The following SLC35B4 variants were observed in gnomAD, a reference collection of about 807,000 sequenced individuals.
SLC35B4 encodes the protein nucleotide sugar transporter SLC35B4.
Under a neutral mutation model 39.5 loss-of-function variants are expected in SLC35B4, and 28 were observed. That is an observed-to-expected ratio of 0.71 (90% CI 0.53 to 0.97). The LOEUF (loss-of-function observed/expected upper bound fraction) is 0.97, where lower values mean the gene tolerates loss of function less well. SLC35B4 is among the 50% of genes least tolerant of loss of function. The probability of loss-of-function intolerance (pLI) is 0.00; values close to 1 mark genes in which losing one functional copy is unlikely to be tolerated. For missense variants in SLC35B4, 334 were observed against 414.3 expected, an observed-to-expected ratio of 0.81 and a Z score of 1.68; for synonymous variants, 145 against 150.4, an observed-to-expected ratio of 0.96 and a Z score of 0.26.
Position 134,292,103 on chromosome 7 carries a change from T to C in SLC35B4, c.*2730A>G, listed in dbSNP as rs1803342968. 6.5e-6 allele frequency: 1 copy of C among 154,814 alleles called. No individual in the cohort carries two copies. Among genetic ancestry groups the C allele is most frequent in the South Asian group, 2.0e-4 (1 of 4,928 alleles). The allele number at this position is 154,814 out of a possible 1,614,324, so 9.6% of individuals were successfully genotyped here. ...CTCTGAAGCATAAAATTACATGGTC[T>C]TGACCCAGAGAAAGAGGAGAGACAT... On this transcript the variant is annotated 3_prime_UTR_variant, in exon 10 of 10. Coordinates refer to ENST00000378509, the MANE Select transcript of SLC35B4 (RefSeq NM_032826.5).
intron 3 of SLC35B4, 146 bp from the exon 4 acceptor site, chr7:134,305,000 TATG>T (rs1287549152): frequency 1.5e-6 from 1 of 667,520 alleles, no homozygotes; most frequent in East Asian, 2.7e-5. Flanking sequence ...TAGTTGTTCT[TATG>T]ATGGCAAAAG....
At chr7:134,311,073 A>AT (rs1386897943) in intron 1 of SLC35B4, among the ~76,000 whole-genome samples, 1 of 152,220 alleles carries the variant, frequency 6.6e-6, no homozygotes, top group Non-Finnish European at 1.5e-5. Flanking sequence ...TAGGCTTACT[A>AT]ACTGAAACAG....
chr7:134,306,814 G>A, intron 2 of SLC35B4, 40 bp from the exon 3 acceptor site: 3 of 1,514,782 alleles, frequency 2.0e-6, no homozygotes, highest in Non-Finnish European at 2.7e-6. Context: ...CAGAATCTAG[G>A]ATTTCAAGAA....
intron 9 of SLC35B4, among the ~76,000 whole-genome samples, chr7:134,295,586 G>C (rs1304702503): frequency 6.6e-6 from 1 of 151,956 alleles, no homozygotes; most frequent in African/African-American, 2.4e-5. Context: ...TGATTACTTT[G>C]AAATTTCTTT....
upstream of SLC35B4, chr7:134,317,014 G>C (rs974162360): frequency 4.0e-6 from 2 of 501,226 alleles, no homozygotes; most frequent in Non-Finnish European, 7.1e-6. Flanking sequence ...CCAGGATGCC[G>C]TGCACCTTTA....
intron 9 of SLC35B4, among the ~76,000 whole-genome samples, chr7:134,296,030 T>C (rs1374222693): frequency 6.6e-6 from 1 of 152,072 alleles, no homozygotes; most frequent in Non-Finnish European, 1.5e-5. Context: ...GGTTTCACCA[T>C]GTTGGCCAGG....
At position 134,316,924 on chromosome 7, in the gene SLC35B4, T is replaced by C; in HGVS notation, c.-173A>G. The C allele has an allele frequency of 1.6e-6, 1 of 618,560 alleles. No homozygotes were observed. The highest frequency in any genetic ancestry group is 2.0e-5 in the South Asian group (1 of 50,622). 38.3% of individuals were successfully genotyped at this position (618,560 alleles called of 1,614,324 possible). On this transcript the variant is annotated 5_prime_UTR_variant, in exon 1 of 10. Transcript: ENST00000378509. ...CTTCTCCCGCGGCCAACACCGACGC[T>C]GCCAAGAAGCTGTAGTTCGCAGTCA...
chr7:134,314,399 G>C (rs1803920615), intron 1 of SLC35B4, among the ~76,000 whole-genome samples: 1 of 152,090 alleles, frequency 6.6e-6, no homozygotes, highest in African/African-American at 2.4e-5. Context: ...AGTAAAGAGG[G>C]GATTCAGTTG....
Position 134,290,013 on chromosome 7 carries a change from T to A in SLC35B4, c.*4820A>T, listed in dbSNP as rs1011909819. The A allele has an allele frequency of 6.6e-6, 1 of 152,196 alleles. No individual in the cohort carries two copies. The highest frequency in any genetic ancestry group is 2.4e-5 in the African/African-American group (1 of 41,444). The allele number at this position is 152,196 out of a possible 1,614,324, so 9.4% of individuals were successfully genotyped here. A position where few individuals can be genotyped will look rare whatever the true frequency, so the allele number is the denominator to read the frequency against. On this transcript the variant is annotated 3_prime_UTR_variant, in exon 10 of 10. Coordinates refer to ENST00000378509, the MANE Select transcript of SLC35B4 (RefSeq NM_032826.5). ...ACCAACAGACAGTGATCTCCAGGCATCAGCTTCAGCTGCTACAAGCTAACT... is the reference window on the plus strand; with the variant it reads ...ACCAACAGACAGTGATCTCCAGGCAACAGCTTCAGCTGCTACAAGCTAACT...
At position 134,316,284 on chromosome 7, in the gene SLC35B4, AAGAG is replaced by A. The variant is rs375302878; in HGVS notation, c.77+387_77+390del. Among the ~76,000 whole-genome samples the A allele has an allele frequency of 7.3e-3, 1,113 of 152,306 alleles. 7 individuals carry two copies. Among genetic ancestry groups the A allele is most frequent in the Middle Eastern group, 0.014 (4 of 294 alleles). On this transcript the variant is annotated intron_variant, in intron 1 of 9. Transcript: ENST00000378509. ...AAAGAGCTAGAGTTGGATGGGAAGG[AAGAG>A]AGAGTGGTTTGGTGAAGGAACCTTG... is the stretch of plus-strand genomic sequence containing the variant.
intron 8 of SLC35B4, chr7:134,299,303 G>A (rs1019728965): frequency 1.3e-5 from 6 of 456,412 alleles, no homozygotes; most frequent in African/African-American, 2.0e-5. Context: ...AAGCAAAATG[G>A]AAAACTCGAA....
At chr7:134,320,273 A>T (rs1369563142), upstream of SLC35B4, among the ~76,000 whole-genome samples, 2 of 152,156 alleles carry the variant, frequency 1.3e-5, no homozygotes, top group African/African-American at 2.4e-5. Context: ...GAAAGGGTTG[A>T]TCCCCGAGAT....
chr7:134,319,808 G>A (rs927528321), upstream of SLC35B4, among the ~76,000 whole-genome samples: 2 of 152,070 alleles, frequency 1.3e-5, no homozygotes, highest in Non-Finnish European at 2.9e-5. Context: ...GAAAGTTTTC[G>A]GTCTTCCTCT....
At chr7:134,295,171 A>G in intron 9 of SLC35B4, 92 bp from the exon 10 acceptor site, 1 of 1,499,190 alleles carries the variant, frequency 6.7e-7, no homozygotes, top group Non-Finnish European at 9.0e-7. Context: ...TTAACTTCTC[A>G]TATTCTAAGA....
In SLC35B4 at chr7:134,306,781, T is replaced by C. The variant is rs1038950667; in HGVS notation, c.192-7A>G. ...CACCATTATGGCATAGTACCTGAAATGCAGACAGAACAGCTCATCAAACAG... is the reference window on the plus strand; with the variant it reads ...CACCATTATGGCATAGTACCTGAAACGCAGACAGAACAGCTCATCAAACAG... On this transcript the variant is annotated splice_region_variant and splice_polypyrimidine_tract_variant and intron_variant, in intron 2 of 9. Transcript: ENST00000378509. 2.5e-6 allele frequency: 4 copies of C among 1,604,408 alleles called. No homozygotes were observed. Among genetic ancestry groups the C allele is most frequent in the Admixed American group, 3.4e-5 (2 of 59,682 alleles).
intron 9 of SLC35B4, among the ~76,000 whole-genome samples, 166 bp downstream of exon 9, chr7:134,296,225 C>T (rs75846227): frequency 0.032 from 4,818 of 152,272 alleles, 191 homozygotes; most frequent in African/African-American, 0.096. Flanking sequence ...CTCTTCTGCC[C>T]TCTACAAGGA....
In SLC35B4 at chr7:134,316,555, C is replaced by A; in HGVS notation, c.77+120G>T. The A allele has an allele frequency of 5.7e-6, 6 of 1,050,376 alleles. No individual in the cohort carries two copies. The South Asian group carries it at 7.7e-5, about 13-fold the overall frequency. 65.1% of individuals were successfully genotyped at this position (1,050,376 alleles called of 1,614,324 possible). The stretch of plus-strand genomic sequence containing the variant: ...TTGCTGGGGGGCTCAGGCCGTCCTG[C>A]CCCGGGCTCCGTGGGCGGCGGGGTG... On this transcript the variant is annotated intron_variant, in intron 1 of 9. Transcript: ENST00000378509.
In SLC35B4 at chr7:134,292,442, T is replaced by G. The variant is rs2117267696; in HGVS notation, c.*2391A>C. The G allele has an allele frequency of 6.6e-6, 1 of 152,322 alleles. No homozygotes were observed. The highest frequency in any genetic ancestry group is 6.5e-5 in the Admixed American group (1 of 15,298). 9.4% of individuals were successfully genotyped at this position (152,322 alleles called of 1,614,324 possible). On this transcript the variant is annotated 3_prime_UTR_variant, in exon 10 of 10. Transcript: ENST00000378509. ...CTGCCCATACATAGCCTCCTATTCA[T>G]AAGACTGGCTGAGGTATTCACGCTG...
chr7:134,309,465 C>T lies in SLC35B4; in HGVS notation c.92G>A (p.Cys31Tyr). ...LELLARKHPG[C>Y]GNIVTFAQFL... ...TTGTGCAAATGTCACAATGTTCCCA[C>T]ATCCTGGATGCTTCCTGTATAGTGA... Residue 31 changes from cysteine (C) to tyrosine (Y), a missense_variant, in exon 2 of 10, where the codon TGT (cysteine) becomes TAT (tyrosine). By Grantham distance (194) the Cys-to-Tyr change is radical (BLOSUM62 -2). Coordinates refer to ENST00000378509, the MANE Select transcript of SLC35B4 (RefSeq NM_032826.5). 1.2e-6 allele frequency: 2 copies of T among 1,609,702 alleles called. No individual in the cohort carries two copies. The highest frequency in any genetic ancestry group is 1.3e-5 in the African/African-American group (1 of 75,002).
Sources: allele counts gnomAD v4.1 joint callset (sites outside exome capture counted in the v4.1 genomes callset), GRCh38; gene constraint gnomAD v4.1.1; transcripts MANE v1.5; gene names NCBI Gene and HGNC (gene_info 2026-07-23, HGNC 2026-07-21).